PLCL1: variants seen among roughly 807,000 people sequenced by gnomAD.
The protein encoded by PLCL1 is inactive phospholipase C-like protein 1.
A neutral mutation model predicts 84.4 loss-of-function variants in PLCL1; 41 were observed. That is an observed-to-expected ratio of 0.49 (90% CI 0.38 to 0.63). PLCL1 has a LOEUF of 0.63. PLCL1 is among the 30% of genes least tolerant of loss of function. The pLI is 0.00. For missense variants in PLCL1, 1,206 were observed against 1,367.8 expected (o/e 0.88, Z 1.87); for synonymous variants, 490 against 488.3 (o/e 1.00, Z -0.05).
At chr2:198,072,246 C>T (rs1200091886) in intron 1 of PLCL1, among the ~76,000 whole-genome samples, 3 of 150,472 alleles carry the variant, frequency 2.0e-5, no homozygotes, top group Admixed American at 2.0e-4. Context: ...AATGGGATTC[C>T]TCTCACCCCC....
chr2:197,939,636 T>C (rs763516401), intron 1 of PLCL1, among the ~76,000 whole-genome samples: 1 of 151,932 alleles, frequency 6.6e-6, no homozygotes, highest in African/African-American at 2.4e-5. Context: ...GCCACCCTAA[T>C]GACCTCTTTT....
intron 1 of PLCL1, among the ~76,000 whole-genome samples, chr2:197,903,468 ATTTTTTTTTTTTTT>A (rs3056105): frequency 4.2e-4 from 20 of 47,796 alleles, no homozygotes; most frequent in South Asian, 1.1e-3. Flanking sequence ...CTCCATTTAA[ATTTTTTTTTTTTTT>A]TTTTTTTTTT....
intron 1 of PLCL1, among the ~76,000 whole-genome samples, chr2:197,953,169 T>A (rs148434613): frequency 6.6e-6 from 1 of 152,244 alleles, no homozygotes; most frequent in African/African-American, 2.4e-5. Context: ...TGAGGTCATA[T>A]GACTAATGCG....
intron 1 of PLCL1, among the ~76,000 whole-genome samples, chr2:198,019,537 C>G (rs1349984598): frequency 6.6e-6 from 1 of 151,952 alleles, no homozygotes; most frequent in Non-Finnish European, 1.5e-5. Flanking sequence ...TAGAGAAGAA[C>G]ATAAACGACC....
intron 1 of PLCL1, among the ~76,000 whole-genome samples, chr2:197,915,282 G>A (rs773896339): frequency 2.0e-5 from 3 of 152,094 alleles, no homozygotes; most frequent in Admixed American, 6.5e-5. Flanking sequence ...AAGTGATAGC[G>A]GTGTCAACAA....
At chr2:197,835,885 G>C (rs1041785370) in intron 1 of PLCL1, among the ~76,000 whole-genome samples, 2 of 151,844 alleles carry the variant, frequency 1.3e-5, no homozygotes, top group African/African-American at 4.8e-5. Context: ...ACTTCTGCAG[G>C]AGCCGGTGAG....
At chr2:197,971,645 C>A (rs963352415) in intron 1 of PLCL1, among the ~76,000 whole-genome samples, 1 of 152,174 alleles carries the variant, frequency 6.6e-6, no homozygotes, top group African/African-American at 2.4e-5. Flanking sequence ...TGCATAAAAT[C>A]ACATATTATG....
intron 1 of PLCL1, among the ~76,000 whole-genome samples, chr2:197,909,746 G>A (rs896712271): frequency 2.0e-5 from 3 of 152,112 alleles, no homozygotes; most frequent in Non-Finnish European, 2.9e-5. Context: ...GGTAGCAGTC[G>A]GCTTATAAAG....
chr2:198,023,600 G>T (rs957143950), intron 1 of PLCL1, among the ~76,000 whole-genome samples: 2 of 152,070 alleles, frequency 1.3e-5, no homozygotes, highest in Non-Finnish European at 2.9e-5. Flanking sequence ...ATGGACAGAC[G>T]CTTTTCAAAA....
At chr2:197,824,735 AC>A (rs1216002042) in intron 1 of PLCL1, among the ~76,000 whole-genome samples, 5 of 150,946 alleles carry the variant, frequency 3.3e-5, no homozygotes, top group South Asian at 2.1e-4. Flanking sequence ...AAAAAAAAAA[AC>A]ATGTCTGACT....
At chr2:197,945,264 G>A (rs1243437518) in intron 1 of PLCL1, among the ~76,000 whole-genome samples, 1 of 152,120 alleles carries the variant, frequency 6.6e-6, no homozygotes, top group Non-Finnish European at 1.5e-5. Context: ...GAGAATGTGG[G>A]TTGGTCTAGA....
At chr2:197,974,166 C>T (rs1244339499) in intron 1 of PLCL1, among the ~76,000 whole-genome samples, 1 of 152,006 alleles carries the variant, frequency 6.6e-6, no homozygotes, top group Non-Finnish European at 1.5e-5. Context: ...GAGGGAGAGA[C>T]CTGGGGAGGA....
At position 198,147,206 on chromosome 2, in the gene PLCL1, G is replaced by GTA. The variant is rs1694545368; in HGVS notation, c.*245_*246insAT. Reference sequence around the variant, plus strand: ...CCTGTGTGGATGCCTGTGGAAGAGTGTGTGTGTGTGTGTGTGTGTGTGTGT... The same window carrying GTA: ...CCTGTGTGGATGCCTGTGGAAGAGTGTATGTGTGTGTGTGTGTGTGTGTGTGT... On this transcript the variant is annotated 3_prime_UTR_variant, in exon 6 of 6. Coordinates refer to ENST00000428675, the MANE Select transcript of PLCL1 (RefSeq NM_006226.4). 3.8e-6 allele frequency: 1 copy of GTA among 260,808 alleles called. No homozygotes were observed. The highest frequency in any genetic ancestry group is 5.3e-5 in the Admixed American group (1 of 18,760). 16.2% of individuals were successfully genotyped at this position (260,808 alleles called of 1,614,324 possible).
intron 5 of PLCL1, among the ~76,000 whole-genome samples, chr2:198,127,527 C>G (rs941578486): frequency 1.3e-5 from 2 of 151,976 alleles, no homozygotes; most frequent in Admixed American, 1.3e-4. Flanking sequence ...ATGCTTTCTC[C>G]CTTTGAAGAG....
At chr2:198,047,171 G>GTGTGTGTGTGTGTA (rs1691825183) in intron 1 of PLCL1, among the ~76,000 whole-genome samples, 1 of 47,856 alleles carries the variant, frequency 2.1e-5, no homozygotes, top group Non-Finnish European at 6.1e-5. Context: ...GTGTATGTGT[G>GTGTGTGTGTGTGTA]TGTGTGTGTG....
intron 1 of PLCL1, among the ~76,000 whole-genome samples, chr2:197,812,987 A>G (rs565288189): frequency 6.6e-6 from 1 of 152,270 alleles, no homozygotes; most frequent in African/African-American, 2.4e-5. Context: ...CACCTCCCAG[A>G]TCTGACAGCC....
chr2:198,070,603 G>T (rs900450237), intron 1 of PLCL1, among the ~76,000 whole-genome samples: 1 of 151,846 alleles, frequency 6.6e-6, no homozygotes, highest in African/African-American at 2.4e-5. Context: ...TTTACATATT[G>T]TATTAGAAGT....
intron 1 of PLCL1, among the ~76,000 whole-genome samples, chr2:197,840,961 C>A (rs542092427): frequency 1.6e-4 from 25 of 152,240 alleles, no homozygotes; most frequent in Admixed American, 1.5e-3. Flanking sequence ...GAAATAAAGT[C>A]CTGGAAAGTA....
At chr2:197,958,672 T>C (rs1689541159) in intron 1 of PLCL1, among the ~76,000 whole-genome samples, 1 of 152,068 alleles carries the variant, frequency 6.6e-6, no homozygotes, top group African/African-American at 2.4e-5. Context: ...AGAACACTCA[T>C]AGCAGGAGAG....
Sources: gnomAD v4.1 joint callset for allele counts (sites outside exome capture counted in the v4.1 genomes callset) on GRCh38, gnomAD v4.1.1 for gene constraint, MANE v1.5 for transcripts, NCBI Gene and HGNC (gene_info 2026-07-23, HGNC 2026-07-21) for gene names.